HEPACAM2: variants seen among roughly 807,000 people sequenced by gnomAD.
HEPACAM2 encodes mitotic kinetics regulator.
A neutral mutation model predicts 49.6 loss-of-function variants in HEPACAM2; 49 were observed. The observed-to-expected ratio is 0.99, with a 90% CI of 0.78 to 1.25. The LOEUF (loss-of-function observed/expected upper bound fraction) is 1.25. HEPACAM2 is among the 50% of genes most tolerant of loss of function. The probability of loss-of-function intolerance (pLI) is 0.00; values close to 1 mark genes in which losing one functional copy is unlikely to be tolerated. For missense variants in HEPACAM2, 525 were observed against 557.2 expected (o/e 0.94, Z 0.58); for synonymous variants, 197 against 202.9 (o/e 0.97, Z 0.25).
At chr7:93,218,237 G>A (rs1794359481) in intron 2 of HEPACAM2, among the ~76,000 whole-genome samples, 2 of 152,096 alleles carry the variant, frequency 1.3e-5, no homozygotes, top group Admixed American at 6.6e-5. Flanking sequence ...TGAGATAGAA[G>A]CAATGGGAGG....
At chr7:93,211,898 C>T (rs1013784667) in intron 3 of HEPACAM2, among the ~76,000 whole-genome samples, 3 of 152,006 alleles carry the variant, frequency 2.0e-5, no homozygotes, top group Non-Finnish European at 4.4e-5. Context: ...AGGTCTTCGT[C>T]TTCCCCCTGG....
At chr7:93,211,500 T>A (rs942975163) in intron 3 of HEPACAM2, among the ~76,000 whole-genome samples, 2 of 151,984 alleles carry the variant, frequency 1.3e-5, no homozygotes, top group Non-Finnish European at 2.9e-5. Flanking sequence ...CAGTAAGTAG[T>A]GTAATGGGAA....
At chr7:93,194,939 T>TTTTTTTTTTTC (rs1172777927) in intron 8 of HEPACAM2, among the ~76,000 whole-genome samples, 3 of 150,006 alleles carry the variant, frequency 2.0e-5, no homozygotes, top group South Asian at 2.1e-4. Flanking sequence ...TTTTTTTTTT[T>TTTTTTTTTTTC]CCGGACTGAA....
intron 1 of HEPACAM2, among the ~76,000 whole-genome samples, chr7:93,224,205 T>C (rs937264959): frequency 1.3e-5 from 2 of 152,096 alleles, no homozygotes; most frequent in African/African-American, 2.4e-5. Flanking sequence ...AGGTGGCAGA[T>C]TGCTTGAGCC....
intron 1 of HEPACAM2, among the ~76,000 whole-genome samples, chr7:93,220,911 G>A (rs551236010): frequency 3.9e-5 from 6 of 152,242 alleles, no homozygotes; most frequent in African/African-American, 1.4e-4. Context: ...ATTAAAAGGG[G>A]CAATATGATA....
intron 4 of HEPACAM2, among the ~76,000 whole-genome samples, chr7:93,203,123 C>T (rs532372412): frequency 2.0e-4 from 30 of 152,082 alleles, no homozygotes; most frequent in African/African-American, 5.1e-4. Flanking sequence ...CCCAAAACCA[C>T]GGCTGTGGCA....
chr7:93,217,876 C>CTGTGTG lies in HEPACAM2; in HGVS notation c.430+1219_430+1224dup, dbSNP rs138044928. Among the ~76,000 whole-genome samples, 1,030 of 140,170 alleles carry CTGTGTG rather than the reference C, an allele frequency of 7.3e-3. 6 individuals carry two copies. Among genetic ancestry groups the CTGTGTG allele is most frequent in the South Asian group, 0.016 (66 of 4,178 alleles). 92.0% of individuals were successfully genotyped at this position (140,170 alleles called of 152,430 possible). A position where few individuals can be genotyped will look rare whatever the true frequency, so the allele number is the denominator to read the frequency against. On this transcript the variant is annotated intron_variant, in intron 2 of 9. Coordinates refer to ENST00000394468, the MANE Select transcript of HEPACAM2 (RefSeq NM_001039372.4). Reference sequence around the variant, plus strand: ...TTCTATTTTCTCTGAGCATGTGTGTCTGTGTGTGTGTGTGTGTGTGTGTGT... The same window carrying CTGTGTG: ...TTCTATTTTCTCTGAGCATGTGTGTCTGTGTGTGTGTGTGTGTGTGTGTGTGTGTGT...
At chr7:93,226,277 C>G in intron 1 of HEPACAM2, 91 bp downstream of exon 1, 1 of 908,286 alleles carries the variant, frequency 1.1e-6, no homozygotes, top group Non-Finnish European at 1.7e-6. Flanking sequence ...CTGAATGCAT[C>G]TACAGCCTAA....
chr7:93,202,655 C>T (rs561521785), intron 4 of HEPACAM2, among the ~76,000 whole-genome samples: 1,579 of 152,266 alleles, frequency 0.01, 21 homozygotes, highest in African/African-American at 0.036. Flanking sequence ...CAAGTTTTTG[C>T]AATGTGCTTT....
intron 1 of HEPACAM2, chr7:93,226,056 A>T (rs868365902): frequency 1.8e-6 from 1 of 566,492 alleles, no homozygotes; most frequent in African/African-American, 1.9e-5. Context: ...AATGCATTAA[A>T]GACTATTGAA....
Position 93,195,866 on chromosome 7 carries a change from C to T in HEPACAM2, c.1237G>A (p.Glu413Lys), listed in dbSNP as rs1793704044. The change falls in exon 8 of 10, where the codon GAA (glutamate) becomes AAA (lysine). Residue 413 changes from glutamate to lysine, a missense_variant. Glu to Lys is a moderately conservative substitution (Grantham distance 56). Coordinates refer to ENST00000394468, the MANE Select transcript of HEPACAM2 (RefSeq NM_001039372.4). ...GAAACATCTGGAAAAGCAACAAATTCATATATTCCGAAGTCATCCAGAGCA... is the reference window on the plus strand; with the variant it reads ...GAAACATCTGGAAAAGCAACAAATTTATATATTCCGAAGTCATCCAGAGCA... ...EDALDDFGIY[E>K]FVAFPDVSGV... The T allele has an allele frequency of 6.2e-7, 1 of 1,612,954 alleles. No individual in the cohort carries two copies. The highest frequency in any genetic ancestry group is 1.3e-5 in the African/African-American group (1 of 74,860).
intron 7 of HEPACAM2, among the ~76,000 whole-genome samples, chr7:93,196,513 A>G (rs549607851): frequency 6.6e-6 from 1 of 152,142 alleles, no homozygotes; most frequent in South Asian, 2.1e-4. Context: ...GAAAAGAGGA[A>G]GAAGGCCCAC....
At chr7:93,220,087 A>C (rs1794416755) in intron 1 of HEPACAM2, among the ~76,000 whole-genome samples, 1 of 152,180 alleles carries the variant, frequency 6.6e-6, no homozygotes, top group Non-Finnish European at 1.5e-5. Context: ...GAGGAGGAGC[A>C]TGATAAGATA....
At chr7:93,205,737 G>GA (rs1794010664) in intron 4 of HEPACAM2, 1 of 152,008 alleles carries the variant, frequency 6.6e-6, no homozygotes, top group Admixed American at 6.6e-5. Context: ...TTGAAACTTA[G>GA]AAAAAACAAA....
At chr7:93,229,122 C>G (rs923704310), upstream of HEPACAM2, among the ~76,000 whole-genome samples, 1 of 152,108 alleles carries the variant, frequency 6.6e-6, no homozygotes, top group Non-Finnish European at 1.5e-5. Context: ...AATGTAGATG[C>G]AGAACAGTGG....
At chr7:93,218,321 G>A (rs972115224) in intron 2 of HEPACAM2, among the ~76,000 whole-genome samples, 1 of 152,044 alleles carries the variant, frequency 6.6e-6, no homozygotes, top group Non-Finnish European at 1.5e-5. Context: ...TTCAGGCCGC[G>A]GCTGATTGTG....
chr7:93,206,975 C>T (rs1411969972), intron 4 of HEPACAM2, among the ~76,000 whole-genome samples: 1 of 152,028 alleles, frequency 6.6e-6, no homozygotes, highest in African/African-American at 2.4e-5. Context: ...GGTTGTCACA[C>T]TTGTATGTGC....
intron 8 of HEPACAM2, among the ~76,000 whole-genome samples, chr7:93,195,282 C>T (rs1214309282): frequency 3.3e-5 from 5 of 152,170 alleles, no homozygotes; most frequent in East Asian, 3.9e-4. Flanking sequence ...GGCTGGAGTG[C>T]GGTAGTGTGA....
chr7:93,225,931 G>A (rs1794530607), intron 1 of HEPACAM2: 5 of 1,427,462 alleles, frequency 3.5e-6, no homozygotes, highest in Admixed American at 2.3e-5. Flanking sequence ...AAACGAAGCA[G>A]TAAACAGTTT....
Sources: allele counts gnomAD v4.1 joint callset (sites outside exome capture counted in the v4.1 genomes callset), GRCh38; gene constraint gnomAD v4.1.1; transcripts MANE v1.5; gene names NCBI Gene and HGNC (gene_info 2026-07-23, HGNC 2026-07-21).